The following MYO1D variants were observed in gnomAD, a reference collection of about 807,000 sequenced individuals.
MYO1D encodes myosin ID, also known as unconventional myosin-Id.
Under a neutral mutation model 122.0 loss-of-function variants are expected in MYO1D, and 83 were observed. The ratio of observed to expected loss-of-function variants is 0.68; its 90% CI spans 0.57 to 0.82. The LOEUF is 0.82. MYO1D is among the 40% of genes least tolerant of loss of function. The probability of loss-of-function intolerance (pLI) is 0.00; values close to 1 mark genes in which losing one functional copy is unlikely to be tolerated. For missense variants in MYO1D, 1,157 were observed against 1,269.5 expected (o/e 0.91, Z 1.35); for synonymous variants, 464 against 446.9 (o/e 1.04, Z -0.48).
At chr17:32,861,121 TG>T (rs1439450897) in intron 1 of MYO1D, among the ~76,000 whole-genome samples, 1 of 151,002 alleles carries the variant, frequency 6.6e-6, no homozygotes, top group Non-Finnish European at 1.5e-5. Context: ...CAGGCTGGAC[TG>T]CAGTGGCGCA....
intron 3 of MYO1D, 118 bp from the exon 4 acceptor site, chr17:32,776,147 G>A (rs2090169783): frequency 1.3e-6 from 1 of 791,054 alleles, no homozygotes; most frequent in Non-Finnish European, 1.9e-6. Flanking sequence ...CTCCAGCACT[G>A]TTTGCAATAT....
At chr17:32,523,378 G>A (rs1910223470) in intron 21 of MYO1D, 1 of 152,210 alleles carries the variant, frequency 6.6e-6, no homozygotes. Context: ...GCACTTAGGG[G>A]TGGAAGTGAA....
rs138864187 is a variant in MYO1D, at chr17:32,572,650, G to A, written c.2864+32437C>T. Reference sequence around the variant, plus strand: ...TTAAAATCCCCTTATCATTATCCACGAGGCCTTCAATGATCTGGCCTGGGT... The same window carrying A: ...TTAAAATCCCCTTATCATTATCCACAAGGCCTTCAATGATCTGGCCTGGGT... On this transcript the variant is annotated intron_variant, in intron 21 of 21. Transcript: ENST00000318217. 5.9e-3 allele frequency among the ~76,000 whole-genome samples: 896 copies of A among 152,154 alleles called. 1 individual carries two copies. The highest frequency in any genetic ancestry group is 0.01 in the Middle Eastern group (3 of 294).
chr17:32,795,929 T>A (rs1325906965), intron 1 of MYO1D, among the ~76,000 whole-genome samples: 1 of 152,058 alleles, frequency 6.6e-6, no homozygotes, highest in Non-Finnish European at 1.5e-5. Context: ...AGGTGCTCAT[T>A]AAAACAGCAT....
chr17:32,857,097 G>A (rs573733556), intron 1 of MYO1D, among the ~76,000 whole-genome samples: 13 of 152,252 alleles, frequency 8.5e-5, no homozygotes, highest in African/African-American at 2.6e-4. Context: ...CTGTAAACAC[G>A]TGTTTCATAC....
intron 11 of MYO1D, among the ~76,000 whole-genome samples, chr17:32,754,339 G>A (rs1221607697): frequency 1.3e-5 from 2 of 152,186 alleles, no homozygotes; most frequent in African/African-American, 4.8e-5. Context: ...TTAGGTATTT[G>A]TGGTGTAAAT....
chr17:32,499,769 G>A (rs1037723306), intron 21 of MYO1D, among the ~76,000 whole-genome samples: 5 of 152,072 alleles, frequency 3.3e-5, no homozygotes, highest in Non-Finnish European at 1.5e-5. Flanking sequence ...GACCAGCCTG[G>A]GCAACATGGT....
At chr17:32,502,847 G>T (rs1209133853) in intron 21 of MYO1D, among the ~76,000 whole-genome samples, 1 of 152,176 alleles carries the variant, frequency 6.6e-6, no homozygotes, top group Non-Finnish European at 1.5e-5. Flanking sequence ...TCGTACAGAT[G>T]GAGGCAGGGC....
At chr17:32,577,781 C>T (rs2087292373) in intron 21 of MYO1D, among the ~76,000 whole-genome samples, 1 of 151,848 alleles carries the variant, frequency 6.6e-6, no homozygotes, top group Admixed American at 6.6e-5. Flanking sequence ...CTCTGTCACC[C>T]AGGCTGGAGT....
chr17:32,570,576 T>C (rs1567893666), intron 21 of MYO1D, among the ~76,000 whole-genome samples: 1 of 152,148 alleles, frequency 6.6e-6, no homozygotes, highest in Non-Finnish European at 1.5e-5. Flanking sequence ...ATGGTCTCGA[T>C]CTCCTGACCT....
intron 20 of MYO1D, among the ~76,000 whole-genome samples, chr17:32,615,882 G>A (rs908172363): frequency 1.6e-4 from 25 of 152,202 alleles, no homozygotes; most frequent in Non-Finnish European, 3.2e-4. Context: ...ATTTGTGGGC[G>A]TGTTTTTTGT....
chr17:32,545,637 T>G (rs959774741), intron 21 of MYO1D, among the ~76,000 whole-genome samples: 1 of 152,322 alleles, frequency 6.6e-6, no homozygotes, highest in Middle Eastern at 3.4e-3. Context: ...TGGTAGACTT[T>G]AATTAGTGAA....
intron 21 of MYO1D, among the ~76,000 whole-genome samples, chr17:32,508,803 T>TC (rs1046964656): frequency 6.6e-6 from 1 of 152,160 alleles, no homozygotes; most frequent in African/African-American, 2.4e-5. Context: ...CAGGCCATAG[T>TC]CCAAGTCTTA....
intron 4 of MYO1D, among the ~76,000 whole-genome samples, chr17:32,775,455 T>A (rs1378695393): frequency 6.6e-6 from 1 of 152,120 alleles, no homozygotes; most frequent in African/African-American, 2.4e-5. Flanking sequence ...AATACATATA[T>A]GTTACTATAA....
intron 20 of MYO1D, chr17:32,632,586 T>TATACACACAC (rs1480751438): frequency 1.9e-4 from 18 of 96,554 alleles, no homozygotes; most frequent in Non-Finnish European, 3.5e-4. Flanking sequence ...TATATATATA[T>TATACACACAC]ACACACACAC....
chr17:32,838,449 G>A (rs151141963), intron 1 of MYO1D, among the ~76,000 whole-genome samples: 9 of 152,102 alleles, frequency 5.9e-5, no homozygotes, highest in East Asian at 1.9e-4. Context: ...CCTGCATCAC[G>A]TTAGATTGTA....
At chr17:32,803,936 A>C (rs1054903995) in intron 1 of MYO1D, among the ~76,000 whole-genome samples, 5 of 152,178 alleles carry the variant, frequency 3.3e-5, no homozygotes, top group African/African-American at 1.2e-4. Context: ...AATTTTGTAA[A>C]TTGTTTTAAA....
At chr17:32,876,275 A>G (rs1483947229) in intron 1 of MYO1D, among the ~76,000 whole-genome samples, 7 of 149,262 alleles carry the variant, frequency 4.7e-5, no homozygotes, top group Admixed American at 6.7e-5. Context: ...CGCCAGGAGG[A>G]AAAAAAAAAG....
At chr17:32,529,545 T>C (rs560076938) in intron 21 of MYO1D, 3 of 152,972 alleles carry the variant, frequency 2.0e-5, no homozygotes, top group Admixed American at 6.5e-5. Flanking sequence ...GTGTCTCTAA[T>C]GCAGGGGCAA....
Sources: allele counts gnomAD v4.1 joint callset (sites outside exome capture counted in the v4.1 genomes callset), GRCh38; gene constraint gnomAD v4.1.1; transcripts MANE v1.5; gene names NCBI Gene and HGNC (gene_info 2026-07-23, HGNC 2026-07-21).